Variants in MECOM observed in about 807,000 individuals in gnomAD.
The protein encoded by MECOM is histone-lysine N-methyltransferase MECOM.
In MECOM, 13 loss-of-function variants were observed where a neutral mutation model predicts 116.3. The ratio of observed to expected loss-of-function variants is 0.11; its 90% confidence interval spans 0.07 to 0.18. The LOEUF is 0.18. MECOM is among the 10% of genes least tolerant of loss of function. MECOM has a pLI of 1.00. For missense variants in MECOM, 1,299 were observed against 1,509.0 expected, an observed-to-expected ratio of 0.86 and a Z score of 2.31; for synonymous variants, 528 against 535.2, an observed-to-expected ratio of 0.99 and a Z score of 0.19.
intron 2 of MECOM, among the ~76,000 whole-genome samples, chr3:169,217,851 T>C (rs1322114203): frequency 6.7e-6 from 1 of 149,524 alleles, no homozygotes; most frequent in Non-Finnish European, 1.5e-5. Context: ...GTAATATATA[T>C]ATATATAATC....
intron 1 of MECOM, among the ~76,000 whole-genome samples, chr3:169,537,243 C>A (rs1759486656): frequency 1.3e-5 from 2 of 152,194 alleles, no homozygotes; most frequent in South Asian, 2.1e-4. Context: ...CACAAATGTA[C>A]CTGCAGTTAT....
intron 1 of MECOM, among the ~76,000 whole-genome samples, chr3:169,513,972 G>A (rs1241154856): frequency 6.6e-6 from 1 of 151,998 alleles, no homozygotes; most frequent in Non-Finnish European, 1.5e-5. Context: ...CATCAGAATT[G>A]GATTACATCA....
At chr3:169,606,722 C>A (rs1177403184) in intron 1 of MECOM, among the ~76,000 whole-genome samples, 1 of 152,194 alleles carries the variant, frequency 6.6e-6, no homozygotes, top group African/African-American at 2.4e-5. Flanking sequence ...GCTCTGCCAT[C>A]TCCTAGGGTA....
chr3:169,589,710 C>T (rs1035448875), intron 1 of MECOM, among the ~76,000 whole-genome samples: 1 of 152,194 alleles, frequency 6.6e-6, no homozygotes, highest in African/African-American at 2.4e-5. Flanking sequence ...CCTGGCCTCA[C>T]TTGCATTAGT....
chr3:169,661,895 C>T (rs920711804), intron 1 of MECOM, among the ~76,000 whole-genome samples: 1 of 152,192 alleles, frequency 6.6e-6, no homozygotes, highest in Non-Finnish European at 1.5e-5. Flanking sequence ...GTTTTGTTTT[C>T]GGCGAGTGCG....
At chr3:169,533,336 C>T (rs1758888043) in intron 1 of MECOM, among the ~76,000 whole-genome samples, 2 of 152,096 alleles carry the variant, frequency 1.3e-5, no homozygotes, top group Admixed American at 6.6e-5. Flanking sequence ...GGCTCCAGGT[C>T]GTGATGGTGG....
chr3:169,340,932 G>A (rs550356858), intron 2 of MECOM, among the ~76,000 whole-genome samples: 4 of 152,102 alleles, frequency 2.6e-5, no homozygotes, highest in Non-Finnish European at 5.9e-5. Flanking sequence ...GAGACAAGCA[G>A]GTGGAACATT....
At chr3:169,219,953 T>C (rs1251387883) in intron 2 of MECOM, among the ~76,000 whole-genome samples, 23 of 148,868 alleles carry the variant, frequency 1.5e-4, no homozygotes, top group Non-Finnish European at 3.0e-5. Context: ...TGTATAATTC[T>C]AATATATAAT....
chr3:169,131,214 T>C (rs528229883), intron 4 of MECOM, among the ~76,000 whole-genome samples: 2 of 152,308 alleles, frequency 1.3e-5, no homozygotes, highest in South Asian at 2.1e-4. Flanking sequence ...TCCTTTGACC[T>C]CCACTTTAAG....
At chr3:169,097,817 T>TATAAAAAAA (rs1553818439) in intron 12 of MECOM, among the ~76,000 whole-genome samples, 1 of 87,194 alleles carries the variant, frequency 1.1e-5, no homozygotes, top group Admixed American at 1.8e-4. Flanking sequence ...ACTGTCTATA[T>TATAAAAAAA]AAAAAAAAAA....
intron 1 of MECOM, among the ~76,000 whole-genome samples, chr3:169,513,696 C>A (rs1007945506): frequency 6.6e-6 from 1 of 152,100 alleles, no homozygotes; most frequent in African/African-American, 2.4e-5. Context: ...ATAAAGCTGG[C>A]CTTTTTGCAT....
At chr3:169,163,694 C>G in intron 2 of MECOM, among the ~76,000 whole-genome samples, 1 of 131,662 alleles carries the variant, frequency 7.6e-6, no homozygotes. Flanking sequence ...CTGCCATGTT[C>G]TTTTCCAAGG....
intron 2 of MECOM, among the ~76,000 whole-genome samples, chr3:169,154,421 GAA>G (rs5854311): frequency 6.6e-6 from 1 of 151,026 alleles, no homozygotes; most frequent in African/African-American, 2.4e-5. Flanking sequence ...GATGTTTGTT[GAA>G]AAAAAAATGG....
chr3:169,183,337 T>A (rs2149400910), intron 2 of MECOM, among the ~76,000 whole-genome samples: 1 of 152,286 alleles, frequency 6.6e-6, no homozygotes, highest in East Asian at 1.9e-4. Context: ...CTGTGAGACA[T>A]AGTCTCTCAT....
intron 2 of MECOM, among the ~76,000 whole-genome samples, chr3:169,230,474 G>C (rs1005445249): frequency 3.3e-5 from 5 of 152,104 alleles, no homozygotes; most frequent in African/African-American, 1.2e-4. Context: ...GTATCTCCAA[G>C]ATACCAGTTC....
At chr3:169,489,891 A>T (rs952510693) in intron 1 of MECOM, among the ~76,000 whole-genome samples, 1 of 152,206 alleles carries the variant, frequency 6.6e-6, no homozygotes, top group Non-Finnish European at 1.5e-5. Flanking sequence ...ATATTCATAG[A>T]TTTGACTACT....
chr3:169,656,107 T>C (rs1775515338), intron 1 of MECOM, among the ~76,000 whole-genome samples: 1 of 152,230 alleles, frequency 6.6e-6, no homozygotes. Context: ...AGCACATTGA[T>C]ATTTGTTGTG....
chr3:169,277,796 T>C (rs757197264), intron 2 of MECOM, among the ~76,000 whole-genome samples: 27 of 152,222 alleles, frequency 1.8e-4, no homozygotes, highest in Non-Finnish European at 3.7e-4. Context: ...CTGCTCTAAC[T>C]ATTAAATATG....
chr3:169,265,271 A>G (rs1252495302), intron 2 of MECOM, among the ~76,000 whole-genome samples: 1 of 152,264 alleles, frequency 6.6e-6, no homozygotes, highest in Non-Finnish European at 1.5e-5. Context: ...AGGGCTCTGC[A>G]CTGATAAGAT....
Sources: allele counts gnomAD v4.1 joint callset (sites outside exome capture counted in the v4.1 genomes callset), GRCh38; gene constraint gnomAD v4.1.1; transcripts MANE v1.5; gene names NCBI Gene and HGNC (gene_info 2026-07-23, HGNC 2026-07-21).